QSER1: variants seen among roughly 807,000 people sequenced by gnomAD.
The protein encoded by QSER1 is glutamine and serine rich 1.
QSER1 carries 49 observed loss-of-function variants against 158.5 expected under a neutral mutation model. The observed-to-expected ratio is 0.31, with a 90% CI of 0.25 to 0.39. The LOEUF is 0.39. Among genes scored for constraint, QSER1 ranks in the 10% least tolerant of loss-of-function variants. The probability of loss-of-function intolerance (pLI) is 1.00; values close to 1 mark genes in which losing one functional copy is unlikely to be tolerated. For synonymous variants in QSER1, 650 were observed against 715.5 expected, an observed-to-expected ratio of 0.91 and a Z score of 1.46; for missense variants, 1,754 against 2,010.3, an observed-to-expected ratio of 0.87 and a Z score of 2.44.
chr11:32,922,024 T>C (rs1798337705), intron 1 of QSER1, among the ~76,000 whole-genome samples: 1 of 152,178 alleles, frequency 6.6e-6, no homozygotes, highest in Non-Finnish European at 1.5e-5. Context: ...CAATATATAG[T>C]GCTGGAACCA....
At chr11:32,924,912 T>C (rs1851947954) in intron 1 of QSER1, among the ~76,000 whole-genome samples, 1 of 152,198 alleles carries the variant, frequency 6.6e-6, no homozygotes, top group Admixed American at 6.5e-5. Context: ...CCCCAGTTTC[T>C]ATTATTGCCA....
In QSER1 at chr11:32,979,052, T is replaced by C. The variant is rs571170580; in HGVS notation, c.*2578T>C. 7.9e-5 allele frequency: 12 copies of C among 152,418 alleles called. No homozygotes were observed. In the South Asian group the frequency reaches 2.3e-3, roughly 29 times the overall value. The allele number at this position is 152,418 out of a possible 1,614,324, so 9.4% of individuals were successfully genotyped here. ...TTACTGTACTGAATACTGTAGGCAG[T>C]TGTAACACAATGGTATTTGTGTATC... On this transcript the variant is annotated 3_prime_UTR_variant, in exon 13 of 13. Transcript: ENST00000650167.
rs1191866406 is a variant in QSER1, at chr11:32,955,996, A to G, written c.4626A>G (p.Gly1542=). 2 of 1,604,062 alleles carry G rather than the reference A, an allele frequency of 1.2e-6. No homozygotes were observed. Among genetic ancestry groups the G allele is most frequent in the Non-Finnish European group, 8.5e-7 (1 of 1,173,638 alleles). Residue 1542 remains glycine, a synonymous_variant, in exon 7 of 13, where the codon GGA becomes GGG. Transcript: ENST00000650167. ...REFAATNSYL[G]YFGDAKSKYK... is the part of the protein sequence containing the mutation. Reference sequence around the variant, plus strand: ...AGTGTTTCCTTCCTCAGTATCTTGGATATTTTGGAGATGCAAAGAGTAAAT... The same window carrying G: ...AGTGTTTCCTTCCTCAGTATCTTGGGTATTTTGGAGATGCAAAGAGTAAAT...
chr11:32,948,783 A>G (rs1481879421), intron 4 of QSER1, among the ~76,000 whole-genome samples: 2 of 152,180 alleles, frequency 1.3e-5, no homozygotes, highest in Non-Finnish European at 2.9e-5. Context: ...TCAAACATAT[A>G]CAAAAGTACA....
intron 1 of QSER1, among the ~76,000 whole-genome samples, chr11:32,915,150 C>T (rs1486347877): frequency 1.3e-5 from 2 of 152,162 alleles, no homozygotes; most frequent in African/African-American, 2.4e-5. Context: ...TCAAACAATC[C>T]TCCAGCCTTG....
At chr11:32,961,086 C>T (rs948046352) in intron 8 of QSER1, among the ~76,000 whole-genome samples, 8 of 152,148 alleles carry the variant, frequency 5.3e-5, no homozygotes, top group African/African-American at 1.4e-4. Flanking sequence ...AACAACTATA[C>T]TTTCCAAAAC....
intron 9 of QSER1, 79 bp from the exon 10 acceptor site, chr11:32,968,963 TATAA>T (rs1852799708): frequency 2.8e-6 from 2 of 716,458 alleles, no homozygotes; most frequent in African/African-American, 3.7e-5. Context: ...TATTTTAATA[TATAA>T]ATGTTTTGAG....
intron 9 of QSER1, among the ~76,000 whole-genome samples, chr11:32,968,045 C>A (rs1339548178): frequency 6.6e-6 from 1 of 152,096 alleles, no homozygotes; most frequent in Non-Finnish European, 1.5e-5. Flanking sequence ...TTGTAGTAGT[C>A]ATTTCTGTAT....
rs1251858909 is a variant in QSER1, at chr11:32,933,976, C to A, written c.2718C>A (p.Ser906Arg). 5 of 1,613,910 alleles carry A rather than the reference C, an allele frequency of 3.1e-6. No individual in the cohort carries two copies. The East Asian group carries it at 1.1e-4, about 36-fold the overall frequency. Reference protein sequence around the residue: ...FLQMEGHVIQSNGDHSQQQLH... With the variant: ...FLQMEGHVIQRNGDHSQQQLH... The stretch of plus-strand genomic sequence containing the variant: ...AGATGGAAGGTCATGTTATTCAAAG[C>A]AATGGTGATCATTCTCAGCAGCAAC... Residue 906 changes from serine (S) to arginine (R), a missense_variant, in exon 4 of 13, where the codon AGC becomes AGA. Coordinates refer to ENST00000650167, the MANE Select transcript of QSER1 (RefSeq NM_001076786.3).
intron 3 of QSER1, 34 bp downstream of exon 3, chr11:32,928,157 T>C: frequency 2.3e-6 from 3 of 1,322,346 alleles, no homozygotes; most frequent in East Asian, 4.6e-5. Context: ...TTAAGTCCTA[T>C]AAAAATGCTG....
At chr11:32,964,260 C>T (rs1852683340) in intron 8 of QSER1, among the ~76,000 whole-genome samples, 1 of 152,138 alleles carries the variant, frequency 6.6e-6, no homozygotes, top group African/African-American at 2.4e-5. Flanking sequence ...TAGGTGTGAG[C>T]CACCATGCCC....
At position 32,976,858 on chromosome 11, in the gene QSER1, A is replaced by G. The variant is rs1852986918; in HGVS notation, c.*384A>G. On this transcript the variant is annotated 3_prime_UTR_variant, in exon 13 of 13. Transcript: ENST00000650167. ...TTTCTGACTCCGGCTAAACACCAGA[A>G]TGACAGAGAAGTGGCAGAAACCATA... The G allele has an allele frequency of 5.0e-6, 1 of 201,134 alleles. No homozygotes were observed. Among genetic ancestry groups the G allele is most frequent in the Non-Finnish European group, 9.9e-6 (1 of 100,884 alleles). The allele number at this position is 201,134 out of a possible 1,614,324, so 12.5% of individuals were successfully genotyped here.
Position 32,934,925 on chromosome 11 carries a change from A to C in QSER1, c.3667A>C (p.Lys1223Gln). The change falls in exon 4 of 13, where the codon AAA (lysine) becomes CAA (glutamine). Residue 1223 changes from lysine to glutamine, a missense_variant. Around this residue, in one of 2 missense-constraint regions of QSER1, gnomAD observed 1,707 missense variants for 1,919.6 expected, o/e 0.89. Coordinates refer to ENST00000650167, the MANE Select transcript of QSER1 (RefSeq NM_001076786.3). The stretch of plus-strand genomic sequence containing the variant: ...AGACAACAGTAATCAGAAACAGCTG[A>C]AAAGACCTGCCCAAGGCAAACGCCA... ...EEDNSNQKQL[K>Q]RPAQGKRQNP... 1 of 1,613,790 alleles carries C rather than the reference A, an allele frequency of 6.2e-7. No homozygotes were observed. The highest frequency in any genetic ancestry group is 1.3e-5 in the African/African-American group (1 of 74,988).
At chr11:32,971,984 AC>A (rs1852868295) in intron 10 of QSER1, among the ~76,000 whole-genome samples, 1 of 150,914 alleles carries the variant, frequency 6.6e-6, no homozygotes, top group South Asian at 2.1e-4. Context: ...AATGGCGTGA[AC>A]CCAGGAGGCA....
Position 32,953,910 on chromosome 11 carries a change from A to G in QSER1, c.4231A>G (p.Thr1411Ala), listed in dbSNP as rs754485270. Residue 1411 changes from threonine (T) to alanine (A), a missense_variant, in exon 5 of 13, where the codon ACT becomes GCT. Physicochemically the swap from Thr to Ala is moderately conservative, Grantham distance 58. Coordinates refer to ENST00000650167, the MANE Select transcript of QSER1 (RefSeq NM_001076786.3). Reference sequence around the variant, plus strand: ...AACTGCCAATACTACTGGTACTGCTACTACTTCCTCAACCACTGTGGGTGC... The same window carrying G: ...AACTGCCAATACTACTGGTACTGCTGCTACTTCCTCAACCACTGTGGGTGC... ...SPTANTTGTA[T>A]TSSTTVGAVK... is the part of the protein sequence containing the mutation. 4 of 1,614,080 alleles carry G rather than the reference A, an allele frequency of 2.5e-6. No homozygotes were observed. The highest frequency in any genetic ancestry group is 3.4e-6 in the Non-Finnish European group (4 of 1,180,020).
rs915255442 is a variant in QSER1 at position 32,893,592 on chromosome 11, T to C, written c.209+258T>C. The stretch of plus-strand genomic sequence containing the variant: ...GCGGGAGTCGTGGGGCTCCGTCACC[T>C]CTTGGGTCCTGGGCTCTCACATGGT... On this transcript the variant is annotated intron_variant, in intron 1 of 12. Transcript: ENST00000650167. The surrounding 1 kb of genome is among the most constrained non-coding windows in gnomAD (Gnocchi z 4.7). Among the ~76,000 whole-genome samples, 2 of 152,026 alleles carry C rather than the reference T, an allele frequency of 1.3e-5. No individual in the cohort carries two copies. Among genetic ancestry groups the C allele is most frequent in the African/African-American group, 4.8e-5 (2 of 41,388 alleles).
At position 32,932,748 on chromosome 11, in the gene QSER1, A is replaced by C; in HGVS notation, c.1490A>C (p.Lys497Thr). 1 of 1,614,122 alleles carries C rather than the reference A, an allele frequency of 6.2e-7. No homozygotes were observed. The highest frequency in any genetic ancestry group is 8.5e-7 in the Non-Finnish European group (1 of 1,179,996). Reference protein sequence around the residue: ...SQVYRSSKVEKLPPLYKTLTF... With the variant: ...SQVYRSSKVETLPPLYKTLTF... ...GTTTATAGGTCCAGCAAGGTTGAGAAATTGCCACCCTTGTATAAAACATTG... is the reference window on the plus strand; with the variant it reads ...GTTTATAGGTCCAGCAAGGTTGAGACATTGCCACCCTTGTATAAAACATTG... Residue 497 changes from lysine (K) to threonine (T), a missense_variant, in exon 4 of 13, where the codon AAA becomes ACA. Lys to Thr is a moderately conservative substitution (Grantham distance 78). Around this residue, in one of 2 missense-constraint regions of QSER1, gnomAD observed 1,707 missense variants for 1,919.6 expected, o/e 0.89. Transcript: ENST00000650167.
In QSER1 at chr11:32,934,806, C is replaced by T. The variant is rs1852119324; in HGVS notation, c.3548C>T (p.Ala1183Val). The change falls in exon 4 of 13, where the codon GCA becomes GTA. Residue 1183 changes from alanine (A) to valine (V), a missense_variant. Transcript: ENST00000650167. ...TTGGCCATGGCCCAATCTGGGGATG[C>T]AGTCAGTGTCAAGATTGAAGAAGAA... ...ALLAMAQSGDAVSVKIEEENQ... is the reference protein window; with the variant it reads ...ALLAMAQSGDVVSVKIEEENQ... The T allele has an allele frequency of 1.9e-6, 3 of 1,613,992 alleles. No homozygotes were observed. Among genetic ancestry groups the T allele is most frequent in the Non-Finnish European group, 8.5e-7 (1 of 1,179,994 alleles).
chr11:32,894,310 T>G (rs926326404), intron 1 of QSER1, among the ~76,000 whole-genome samples: 2 of 152,146 alleles, frequency 1.3e-5, no homozygotes, highest in Admixed American at 1.3e-4. Flanking sequence ...GAAGGCGTGG[T>G]CTGGTTTGGA....
Sources: gnomAD v4.1 joint callset for allele counts (sites outside exome capture counted in the v4.1 genomes callset) on GRCh38, gnomAD v4.1.1 for gene constraint, gnomAD v4.1.1 regional missense constraint, Gnocchi (gnomAD v3.1) non-coding constraint, MANE v1.5 for transcripts, NCBI Gene and HGNC (gene_info 2026-07-23, HGNC 2026-07-21) for gene names.